Variants in ICA1 observed in about 807,000 individuals in gnomAD.
ICA1 encodes 69 kDa islet cell autoantigen.
Under a neutral mutation model 71.0 loss-of-function variants are expected in ICA1, and 40 were observed. That is an observed-to-expected ratio of 0.56 (90% CI 0.44 to 0.73). The LOEUF is 0.73. Ranked by LOEUF, ICA1 falls within the 30% of genes least tolerant of loss-of-function variation. ICA1 has a pLI of 0.00. For synonymous variants in ICA1, 207 were observed against 209.5 expected (o/e 0.99, Z 0.10); for missense variants, 578 against 576.5 (o/e 1.00, Z -0.03).
intron 1 of ICA1, among the ~76,000 whole-genome samples, chr7:8,238,985 A>G (rs1802787694): frequency 6.6e-6 from 1 of 152,240 alleles, no homozygotes; most frequent in African/African-American, 2.4e-5. Context: ...TGAGAACCAC[A>G]GCTAAATGGC....
At chr7:8,248,436 T>C (rs2128514955) in intron 1 of ICA1, among the ~76,000 whole-genome samples, 1 of 152,298 alleles carries the variant, frequency 6.6e-6, no homozygotes, top group East Asian at 1.9e-4. Flanking sequence ...GAAATAACGC[T>C]TTTTTCAGAC....
chr7:8,196,473 A>G (rs1168969018), intron 6 of ICA1, among the ~76,000 whole-genome samples: 7 of 152,216 alleles, frequency 4.6e-5, no homozygotes, highest in Admixed American at 1.3e-4. Flanking sequence ...TCTACAACAC[A>G]AAGAGTGAAC....
chr7:8,134,882 G>A (rs1023639208), intron 12 of ICA1, among the ~76,000 whole-genome samples: 9 of 151,648 alleles, frequency 5.9e-5, no homozygotes, highest in African/African-American at 2.2e-4. Context: ...ACTGGACCCT[G>A]AGTAGGCACT....
chr7:8,126,977 ATTT>A (rs35052494), intron 13 of ICA1, among the ~76,000 whole-genome samples: 1 of 137,690 alleles, frequency 7.3e-6, no homozygotes, highest in Non-Finnish European at 1.6e-5. Context: ...CCCCTCCAGC[ATTT>A]TTTTTTTTTT....
rs137953246 is a variant in ICA1 at position 8,187,096 on chromosome 7, G to A, written c.580-28444C>T. Among the ~76,000 whole-genome samples, 384 of 152,164 alleles carry A rather than the reference G, an allele frequency of 2.5e-3. 4 individuals carry two copies. The highest frequency in any genetic ancestry group is 7.3e-3 in the East Asian group (38 of 5,180). On this transcript the variant is annotated intron_variant, in intron 6 of 13. Transcript: ENST00000402384. ...ACACTTATGTGTCACTTAACGATGG[G>A]GACATGTTCTCAGAAACATGTTGTT...
At chr7:8,235,793 G>C in intron 2 of ICA1, 117 bp downstream of exon 2, 1 of 1,070,442 alleles carries the variant, frequency 9.3e-7, no homozygotes, top group Non-Finnish European at 1.4e-6. Flanking sequence ...ATTGGTGAGG[G>C]CTAACATGAT....
At chr7:8,243,163 C>T (rs1001357753) in intron 1 of ICA1, among the ~76,000 whole-genome samples, 1 of 152,170 alleles carries the variant, frequency 6.6e-6, no homozygotes, top group South Asian at 2.1e-4. Flanking sequence ...TGTGAAAATC[C>T]TCAATAAAAT....
At chr7:8,224,325 A>C (rs965032651) in intron 4 of ICA1, among the ~76,000 whole-genome samples, 3 of 152,170 alleles carry the variant, frequency 2.0e-5, no homozygotes, top group Non-Finnish European at 4.4e-5. Context: ...AGTTTGGTGG[A>C]CAAGGGAAAA....
At chr7:8,141,180 C>A (rs1795107243) in intron 10 of ICA1, among the ~76,000 whole-genome samples, 1 of 152,214 alleles carries the variant, frequency 6.6e-6, no homozygotes, top group South Asian at 2.1e-4. Flanking sequence ...CAGCAGGAGA[C>A]AGAAATAGCT....
At chr7:8,126,939 T>C (rs1371057458) in intron 13 of ICA1, among the ~76,000 whole-genome samples, 1 of 152,046 alleles carries the variant, frequency 6.6e-6, no homozygotes, top group Admixed American at 6.5e-5. Context: ...TTGGTTGGTG[T>C]ACCTTGAACC....
At position 8,221,388 on chromosome 7, in the gene ICA1, T is replaced by C. The variant is rs1327279381; in HGVS notation, c.267A>G (p.Gln89=). ...LYQKRICFLS[Q]EENELGKFLR... ...GAAATTTTCCCAGTTCGTTTTCTTC[T>C]TGAGACAAGACTGATGAAGAAAAGA... Residue 89 remains glutamine (Q), a synonymous_variant, in exon 5 of 14, where the codon CAA becomes CAG. Coordinates refer to ENST00000402384, the MANE Select transcript of ICA1 (RefSeq NM_001136020.3). 4 of 1,613,514 alleles carry C rather than the reference T, an allele frequency of 2.5e-6. No homozygotes were observed. In the East Asian group the frequency reaches 6.7e-5, roughly 27 times the overall value.
Position 8,123,467 on chromosome 7 carries a change from T to C in ICA1, c.1330+4406A>G, listed in dbSNP as rs1178833170. ...GAGCTTGCACTTCAGTCCTGGTGCC[T>C]GTCCCCGAGGACTCGGTGCCCCAGT... On this transcript the variant is annotated intron_variant, in intron 13 of 13. Coordinates refer to ENST00000402384, the MANE Select transcript of ICA1 (RefSeq NM_001136020.3). This position sits in a 1 kb window ranked among gnomAD's most constrained non-coding sequence, Gnocchi z 4.1. Among the ~76,000 whole-genome samples, 1 of 152,172 alleles carries C rather than the reference T, an allele frequency of 6.6e-6. No individual in the cohort carries two copies. The highest frequency in any genetic ancestry group is 1.5e-5 in the Non-Finnish European group (1 of 68,026).
At chr7:8,149,467 G>C (rs1055350285) in intron 8 of ICA1, among the ~76,000 whole-genome samples, 1 of 152,204 alleles carries the variant, frequency 6.6e-6, no homozygotes, top group Non-Finnish European at 1.5e-5. Context: ...GCGTGACAGA[G>C]GAAACTCGCA....
chr7:8,214,056 C>T (rs547468477), intron 6 of ICA1, among the ~76,000 whole-genome samples: 20 of 152,286 alleles, frequency 1.3e-4, no homozygotes, highest in South Asian at 8.3e-4. Flanking sequence ...AACACTGGTC[C>T]GCTTGTCCTT....
intron 6 of ICA1, among the ~76,000 whole-genome samples, chr7:8,192,620 G>T (rs1413420301): frequency 2.6e-5 from 4 of 152,082 alleles, no homozygotes; most frequent in African/African-American, 4.8e-5. Context: ...CCATCCATTA[G>T]TTTTCATATT....
At chr7:8,172,958 C>G (rs1329052077) in intron 6 of ICA1, among the ~76,000 whole-genome samples, 1 of 152,152 alleles carries the variant, frequency 6.6e-6, no homozygotes, top group African/African-American at 2.4e-5. Context: ...CAATTTTTCC[C>G]TAAAATCTTT....
intron 1 of ICA1, among the ~76,000 whole-genome samples, chr7:8,239,669 C>G (rs1306031649): frequency 3.3e-5 from 5 of 152,196 alleles, no homozygotes; most frequent in South Asian, 2.1e-4. Flanking sequence ...CAGACTGTAC[C>G]TGGAAAATCG....
intron 8 of ICA1, among the ~76,000 whole-genome samples, chr7:8,155,677 C>T (rs1229150112): frequency 1.3e-5 from 2 of 152,152 alleles, no homozygotes; most frequent in African/African-American, 4.8e-5. Context: ...CATGCATGCC[C>T]TAAACCCTAA....
intron 12 of ICA1, among the ~76,000 whole-genome samples, chr7:8,133,292 C>A (rs927351639): frequency 2.0e-5 from 3 of 152,116 alleles, no homozygotes; most frequent in Admixed American, 2.0e-4. Flanking sequence ...CCATTTCTTT[C>A]TTTTCTTTTC....
Sources: gnomAD v4.1 joint callset for allele counts (sites outside exome capture counted in the v4.1 genomes callset) on GRCh38, gnomAD v4.1.1 for gene constraint, Gnocchi (gnomAD v3.1) non-coding constraint, MANE v1.5 for transcripts, NCBI Gene and HGNC (gene_info 2026-07-23, HGNC 2026-07-21) for gene names.